The following VIL1 variants were observed in gnomAD, a reference collection of about 807,000 sequenced individuals.
VIL1 encodes villin 1.
In VIL1, 86 loss-of-function variants were observed where a neutral mutation model predicts 104.0. That is an observed-to-expected ratio of 0.83 (90% CI 0.69 to 0.99). The LOEUF is 0.99. Among genes scored for constraint, VIL1 ranks in the 50% least tolerant of loss-of-function variants. The pLI, the probability that VIL1 is intolerant of heterozygous loss-of-function variation, is 0.00. For synonymous variants in VIL1, 394 were observed against 412.6 expected (o/e 0.95, Z 0.55); for missense variants, 944 against 1,054.1 (o/e 0.90, Z 1.45).
chr2:218,429,228 C>T, intron 6 of VIL1, 57 bp from the exon 7 acceptor site: 1 of 1,559,440 alleles, frequency 6.4e-7, no homozygotes, highest in South Asian at 1.2e-5. Context: ...TGTAGGGTGG[C>T]AGACACTGCC....
intron 13 of VIL1, among the ~76,000 whole-genome samples, chr2:218,433,638 G>A (rs891167404): frequency 5.5e-4 from 84 of 152,100 alleles, no homozygotes; most frequent in African/African-American, 2.0e-3. Flanking sequence ...CAGGCATGGT[G>A]GTTCACGCCT....
chr2:218,434,407 G>A, intron 13 of VIL1, 119 bp from the exon 14 acceptor site: 1 of 975,810 alleles, frequency 1.0e-6, no homozygotes, highest in Non-Finnish European at 1.5e-6. Context: ...TGGTGACGGA[G>A]CATCAGAGGA....
chr2:218,423,820 C>T lies in VIL1; in HGVS notation c.42C>T (p.Ile14=), dbSNP rs758907618. The T allele has an allele frequency of 6.2e-7, 1 of 1,614,184 alleles. No homozygotes were observed. Residue 14 remains isoleucine (I), a synonymous_variant, in exon 2 of 20, where the codon ATC becomes ATT. Coordinates refer to ENST00000248444, the MANE Select transcript of VIL1 (RefSeq NM_007127.3). ...CCCAAGTCAAAGGCTCTCTCAACAT[C>T]ACCACCCCGGGGCTGCAGATATGGA... The part of the protein sequence containing the change: ...LSAQVKGSLN[I]TTPGLQIWRI...
Position 218,437,251 on chromosome 2 carries a change from A to C in VIL1, c.2099A>C (p.Gln700Pro), listed in dbSNP as rs377454014. 6.2e-7 allele frequency: 1 copy of C among 1,614,210 alleles called. No homozygotes were observed. ...GAGACCCCCATCATTGTGGTGAAGC[A>C]GGGACACGAGCCCCCCACCTTCACA... ...DPETPIIVVK[Q>P]GHEPPTFTGW... Residue 700 changes from glutamine to proline, a missense_variant, in exon 17 of 20, where the codon CAG (glutamine) becomes CCG (proline). Coordinates refer to ENST00000248444, the MANE Select transcript of VIL1 (RefSeq NM_007127.3).
In VIL1 at chr2:218,432,183, G is replaced by A; in HGVS notation, c.1341G>A (p.Gln447=). 2 of 1,611,776 alleles carry A rather than the reference G, an allele frequency of 1.2e-6. No homozygotes were observed. Among genetic ancestry groups the A allele is most frequent in the Non-Finnish European group, 1.7e-6 (2 of 1,179,364 alleles). The change falls in exon 12 of 20, where the codon CAG becomes CAA. Residue 447 remains glutamine, a splice_region_variant and synonymous_variant. Transcript: ENST00000248444. ...AGCATTACCTGCTCTACGTTTGGCA[G>A]GTCAGGTCCCGCCACGTCCCACCCA... is the stretch of plus-strand genomic sequence containing the variant. ...EKQHYLLYVW[Q]GSQASQDEIT...
chr2:218,440,650 C>T (rs1271534737), intron 18 of VIL1, 72 bp from the exon 19 acceptor site: 1 of 1,596,404 alleles, frequency 6.3e-7, no homozygotes, highest in Non-Finnish European at 8.6e-7. Context: ...CTAGAGACTT[C>T]AGAGAGAAAG....
At chr2:218,440,993 A>G (rs773232821) in intron 19 of VIL1, 131 bp downstream of exon 19, 73 of 1,047,886 alleles carry the variant, frequency 7.0e-5, no homozygotes, top group Non-Finnish European at 8.9e-5. Flanking sequence ...CCTTCATGCC[A>G]CCTTATATCC....
At chr2:218,434,747 C>G (rs368399522) in intron 14 of VIL1, 42 bp downstream of exon 14, 2 of 1,559,446 alleles carry the variant, frequency 1.3e-6, no homozygotes, top group East Asian at 2.3e-5. Flanking sequence ...GCAAGTGGGT[C>G]CTGGGAGTCC....
At chr2:218,424,399 G>A in intron 3 of VIL1, 48 bp downstream of exon 3, 2 of 1,590,190 alleles carry the variant, frequency 1.3e-6, no homozygotes, top group Non-Finnish European at 1.7e-6. Flanking sequence ...AAAACCCACT[G>A]TGGTGTCAGG....
intron 14 of VIL1, 97 bp downstream of exon 14, chr2:218,434,802 A>T: frequency 7.4e-7 from 1 of 1,347,566 alleles, no homozygotes; most frequent in South Asian, 1.4e-5. Flanking sequence ...ACCCCTGGCC[A>T]ACTAAGTTGT....
intron 13 of VIL1, 92 bp downstream of exon 13, chr2:218,433,043 G>T: frequency 1.3e-6 from 2 of 1,513,386 alleles, no homozygotes; most frequent in South Asian, 2.4e-5. Context: ...TGGGAGCAGG[G>T]CTTGAGGTGA....
chr2:218,429,843 C>T lies in VIL1; in HGVS notation c.850-6C>T. On this transcript the variant is annotated splice_polypyrimidine_tract_variant and splice_region_variant and intron_variant, in intron 8 of 19. Coordinates refer to ENST00000248444, the MANE Select transcript of VIL1 (RefSeq NM_007127.3). ...TCCATCAGACTCTTACCTCTCCCGA[C>T]TCTAGGACTGTTACATCCTGGACCA... is the stretch of plus-strand genomic sequence containing the variant. 1 of 1,612,868 alleles carries T rather than the reference C, an allele frequency of 6.2e-7. No individual in the cohort carries two copies. Among genetic ancestry groups the T allele is most frequent in the Non-Finnish European group, 8.5e-7 (1 of 1,179,116 alleles).
chr2:218,436,731 T>C (rs1689197242), intron 16 of VIL1, 105 bp downstream of exon 16: 1 of 1,403,478 alleles, frequency 7.1e-7, no homozygotes, highest in Admixed American at 2.3e-5. Context: ...TCTTGGCCCT[T>C]ACATAATTTC....
intron 6 of VIL1, among the ~76,000 whole-genome samples, chr2:218,428,733 GC>G (rs1181759986): frequency 2.6e-5 from 4 of 152,152 alleles, no homozygotes; most frequent in Admixed American, 6.5e-5. Context: ...GTGCAATGGC[GC>G]AATCTCAGCT....
At chr2:218,429,971 T>TGGGA in intron 9 of VIL1, 24 bp downstream of exon 9, 1 of 1,373,056 alleles carries the variant, frequency 7.3e-7, no homozygotes, top group Non-Finnish European at 1.0e-6. Context: ...CGGGGGAGGG[T>TGGGA]CCAGGAGGAG....
chr2:218,432,981 G>A (rs776857853), intron 13 of VIL1, 30 bp downstream of exon 13: 12 of 1,613,046 alleles, frequency 7.4e-6, no homozygotes, highest in Non-Finnish European at 5.9e-6. Context: ...GTGTCTGGCA[G>A]TAACCACTGT....
At chr2:218,424,861 T>C (rs1032302432) in intron 3 of VIL1, among the ~76,000 whole-genome samples, 1 of 152,238 alleles carries the variant, frequency 6.6e-6, no homozygotes, top group East Asian at 1.9e-4. Context: ...GGTTTCACCA[T>C]GTTGATCAGG....
At chr2:218,436,319 G>C (rs771638501) in intron 15 of VIL1, among the ~76,000 whole-genome samples, 163 bp from the exon 16 acceptor site, 1 of 152,106 alleles carries the variant, frequency 6.6e-6, no homozygotes, top group African/African-American at 2.4e-5. Flanking sequence ...CTTCCTCAGA[G>C]CACTCTTGGA....
chr2:218,434,569 C>T lies in VIL1; in HGVS notation c.1544C>T (p.Thr515Ile). Residue 515 changes from threonine (T) to isoleucine (I), a missense_variant, in exon 14 of 20, where the codon ACA becomes ATA. Coordinates refer to ENST00000248444, the MANE Select transcript of VIL1 (RefSeq NM_007127.3). Reference sequence around the variant, plus strand: ...AACAACTTGGAGACCGGGCCCTCCACACGGCTGTTCCAGGTCCAGGGAACT... The same window carrying T: ...AACAACTTGGAGACCGGGCCCTCCATACGGCTGTTCCAGGTCCAGGGAACT... ...RTNNLETGPS[T>I]RLFQVQGTGA... 1 of 1,614,034 alleles carries T rather than the reference C, an allele frequency of 6.2e-7. No homozygotes were observed. Among genetic ancestry groups the T allele is most frequent in the Admixed American group, 1.7e-5 (1 of 59,982 alleles).
Sources: gnomAD v4.1 joint callset for allele counts (sites outside exome capture counted in the v4.1 genomes callset) on GRCh38, gnomAD v4.1.1 for gene constraint, MANE v1.5 for transcripts, NCBI Gene and HGNC (gene_info 2026-07-23, HGNC 2026-07-21) for gene names.